CENPP: variants seen among roughly 807,000 people sequenced by gnomAD.
The protein encoded by CENPP is centromere protein P.
A neutral mutation model predicts 35.6 loss-of-function variants in CENPP; 24 were observed. The ratio of observed to expected loss-of-function variants is 0.67; its 90% CI spans 0.49 to 0.95. The LOEUF (loss-of-function observed/expected upper bound fraction) is 0.95. Among genes scored for constraint, CENPP ranks in the 40% least tolerant of loss-of-function variants. The pLI, the probability that CENPP is intolerant of heterozygous loss-of-function variation, is 0.00. For missense variants in CENPP, 332 were observed against 345.3 expected, an observed-to-expected ratio of 0.96 and a Z score of 0.31; for synonymous variants, 120 against 125.5, an observed-to-expected ratio of 0.96 and a Z score of 0.29.
chr9:92,333,225 T>C (rs924832450), intron 2 of CENPP, among the ~76,000 whole-genome samples: 5 of 152,216 alleles, frequency 3.3e-5, no homozygotes, highest in Non-Finnish European at 5.9e-5. Flanking sequence ...GCAGAAATCA[T>C]TTTTGGTGTG....
chr9:92,532,697 C>T (rs913851079), intron 5 of CENPP, among the ~76,000 whole-genome samples: 15 of 151,906 alleles, frequency 9.9e-5, no homozygotes, highest in South Asian at 2.1e-4. Context: ...CTTTTTGTTT[C>T]CAATTCTTTG....
intron 5 of CENPP, among the ~76,000 whole-genome samples, chr9:92,450,523 C>G (rs1457026846): frequency 1.3e-5 from 2 of 152,026 alleles, no homozygotes; most frequent in African/African-American, 4.8e-5. Context: ...GGTTCCAAGT[C>G]TTTGCTATTG....
chr9:92,603,852 T>C (rs1208654291), intron 5 of CENPP, among the ~76,000 whole-genome samples: 2 of 152,148 alleles, frequency 1.3e-5, no homozygotes, highest in Non-Finnish European at 2.9e-5. Flanking sequence ...AGTGTGATCC[T>C]TTCCAAATGA....
intron 5 of CENPP, among the ~76,000 whole-genome samples, chr9:92,510,469 G>GT (rs1847268954): frequency 6.6e-6 from 1 of 152,190 alleles, no homozygotes; most frequent in African/African-American, 2.4e-5. Context: ...GTAAACCTCA[G>GT]TTTTTTATCT....
intron 4 of CENPP, 40 bp downstream of exon 4, chr9:92,345,827 G>C (rs551233413): frequency 8.2e-7 from 1 of 1,212,740 alleles, no homozygotes; most frequent in South Asian, 1.3e-5. Flanking sequence ...GAGAAAAAAA[G>C]TAAATTTACA....
upstream of CENPP, chr9:92,325,864 G>A (rs1042015585): frequency 1.5e-6 from 1 of 654,550 alleles, no homozygotes; most frequent in African/African-American, 1.9e-5. Context: ...GTCACGCGGA[G>A]CTCTCCCGCC....
At chr9:92,411,605 A>T (rs1236405546) in intron 5 of CENPP, among the ~76,000 whole-genome samples, 1 of 152,158 alleles carries the variant, frequency 6.6e-6, no homozygotes, top group Non-Finnish European at 1.5e-5. Flanking sequence ...AGAATTGCTA[A>T]ATTTGAATTG....
intron 4 of CENPP, among the ~76,000 whole-genome samples, chr9:92,349,229 T>C (rs1841381243): frequency 6.6e-6 from 1 of 152,184 alleles, no homozygotes; most frequent in Non-Finnish European, 1.5e-5. Flanking sequence ...TGCAGTACTG[T>C]CTGCCAGTGG....
chr9:92,611,213 C>A, intron 5 of CENPP, 101 bp from the exon 6 acceptor site: 2 of 933,700 alleles, frequency 2.1e-6, no homozygotes, highest in Non-Finnish European at 3.5e-6. Flanking sequence ...ACACTCGGAC[C>A]CTGATTTTCG....
chr9:92,365,831 A>G (rs1354173545), intron 4 of CENPP, among the ~76,000 whole-genome samples: 1 of 151,894 alleles, frequency 6.6e-6, no homozygotes, highest in African/African-American at 2.4e-5. Context: ...ATTGAATTAG[A>G]AAAGGTGTTT....
chr9:92,352,467 C>CTGGGTGTGTGTG (rs1841474625), intron 4 of CENPP, among the ~76,000 whole-genome samples: 1 of 71,380 alleles, frequency 1.4e-5, no homozygotes, highest in Non-Finnish European at 2.4e-5. Context: ...TGCTTAAAGC[C>CTGGGTGTGTGTG]TGTGTGTGTG....
chr9:92,522,816 A>C, intron 5 of CENPP: 1 of 1,611,936 alleles, frequency 6.2e-7, no homozygotes, highest in Non-Finnish European at 8.5e-7. Context: ...TTCCAAAGTC[A>C]GTTTGAAAAA....
chr9:92,601,298 C>T (rs373003072), intron 5 of CENPP, among the ~76,000 whole-genome samples: 2 of 152,102 alleles, frequency 1.3e-5, no homozygotes, highest in South Asian at 2.1e-4. Context: ...AGTCAGGCAC[C>T]TTTTGTCCAG....
chr9:92,535,198 C>G (rs1849094721), intron 5 of CENPP, among the ~76,000 whole-genome samples: 1 of 152,164 alleles, frequency 6.6e-6, no homozygotes, highest in African/African-American at 2.4e-5. Context: ...AAATCAGTAT[C>G]TAAACAGTCT....
chr9:92,356,906 A>G (rs1014347217), intron 4 of CENPP, among the ~76,000 whole-genome samples: 13 of 152,208 alleles, frequency 8.5e-5, no homozygotes, highest in Non-Finnish European at 1.8e-4. Context: ...GACTTCCTAC[A>G]ACAGTCCCCA....
chr9:92,545,442 C>T (rs1316854329), intron 5 of CENPP, among the ~76,000 whole-genome samples: 2 of 152,314 alleles, frequency 1.3e-5, no homozygotes, highest in South Asian at 2.1e-4. Flanking sequence ...GCCGGCCCAC[C>T]GGCGCTGTGC....
intron 5 of CENPP, among the ~76,000 whole-genome samples, chr9:92,501,381 C>G (rs1291093279): frequency 6.6e-6 from 1 of 152,130 alleles, no homozygotes; most frequent in Non-Finnish European, 1.5e-5. Context: ...GCGTTGAATC[C>G]AAAATGAAAT....
chr9:92,609,615 G>A (rs1189115061), intron 5 of CENPP, among the ~76,000 whole-genome samples: 3 of 152,250 alleles, frequency 2.0e-5, no homozygotes, highest in Non-Finnish European at 4.4e-5. Flanking sequence ...AGGAAAGCAC[G>A]TCTCTCAGAG....
chr9:92,502,518 A>G (rs1361729934), intron 5 of CENPP: 2 of 1,612,256 alleles, frequency 1.2e-6, no homozygotes, highest in East Asian at 4.5e-5. Context: ...CTTACTCTTG[A>G]TTTATCCAGG....
Sources: gnomAD v4.1 joint callset for allele counts (sites outside exome capture counted in the v4.1 genomes callset) on GRCh38, gnomAD v4.1.1 for gene constraint, MANE v1.5 for transcripts, NCBI Gene and HGNC (gene_info 2026-07-23, HGNC 2026-07-21) for gene names.